Variants in XRCC5 observed in about 807,000 individuals in gnomAD.
The protein encoded by XRCC5 is X-ray repair cross complementing 5, also known as DNA repair protein Ku80.
In XRCC5, 12 loss-of-function variants were observed where a neutral mutation model predicts 95.7. That is an observed-to-expected ratio of 0.13 (90% CI 0.08 to 0.20). The LOEUF is 0.20. Among genes scored for constraint, XRCC5 ranks in the 10% least tolerant of loss-of-function variants. The pLI, the probability that XRCC5 is intolerant of heterozygous loss-of-function variation, is 1.00. For synonymous variants in XRCC5, 281 were observed against 290.3 expected (o/e 0.97, Z 0.33); for missense variants, 595 against 873.9 (o/e 0.68, Z 4.02).
At chr2:216,133,632 G>T (rs1294019221) in intron 10 of XRCC5, among the ~76,000 whole-genome samples, 1 of 152,230 alleles carries the variant, frequency 6.6e-6, no homozygotes, top group African/African-American at 2.4e-5. Flanking sequence ...GGGCAGCCTT[G>T]TGGATTGTGT....
At chr2:216,165,442 A>T (rs749056976) in intron 16 of XRCC5, among the ~76,000 whole-genome samples, 1 of 152,160 alleles carries the variant, frequency 6.6e-6, no homozygotes, top group Non-Finnish European at 1.5e-5. Flanking sequence ...CTTATTAGCA[A>T]CTAGTTCTCG....
rs578094598 is a variant in XRCC5 at position 216,112,060 on chromosome 2, T to C, written c.22-956T>C. Among the ~76,000 whole-genome samples, 5 of 152,396 alleles carry C rather than the reference T, an allele frequency of 3.3e-5. No homozygotes were observed. In the South Asian group the frequency reaches 1.0e-3, roughly 32 times the overall value. Reference sequence around the variant, plus strand: ...CATTTCACGTTGTTGATTGATTTTATAATTCACACTGAAATTGTGAGTTGC... The same window carrying C: ...CATTTCACGTTGTTGATTGATTTTACAATTCACACTGAAATTGTGAGTTGC... On this transcript the variant is annotated intron_variant, in intron 1 of 20. Coordinates refer to ENST00000392132, the MANE Select transcript of XRCC5 (RefSeq NM_021141.4).
chr2:216,141,453 A>ATGTTATTCTTCC (rs2106014951), intron 13 of XRCC5, 134 bp downstream of exon 13: 18 of 748,420 alleles, frequency 2.4e-5, no homozygotes, highest in Non-Finnish European at 3.2e-5. Context: ...TTAATGGAAG[A>ATGTTATTCTTCC]ATAACATCTT....
chr2:216,140,728 C>T (rs905166430), intron 12 of XRCC5, among the ~76,000 whole-genome samples: 1 of 152,188 alleles, frequency 6.6e-6, no homozygotes, highest in Non-Finnish European at 1.5e-5. Context: ...AGGTGCTGTA[C>T]TCTGATAAAA....
At chr2:216,179,729 C>T (rs1195490567) in intron 16 of XRCC5, among the ~76,000 whole-genome samples, 1 of 152,130 alleles carries the variant, frequency 6.6e-6, no homozygotes, top group South Asian at 2.1e-4. Flanking sequence ...GCTGAGAAGT[C>T]AGAGAGCTGG....
chr2:216,202,790 A>G (rs41296805), intron 19 of XRCC5, among the ~76,000 whole-genome samples: 51 of 152,362 alleles, frequency 3.3e-4, no homozygotes, highest in African/African-American at 1.1e-3. Flanking sequence ...TTGAGTCAAC[A>G]AACAATTATG....
chr2:216,186,456 AGTATT>A (rs1261694370), intron 16 of XRCC5, among the ~76,000 whole-genome samples: 2 of 152,348 alleles, frequency 1.3e-5, no homozygotes, highest in Admixed American at 6.5e-5. Flanking sequence ...ATGATACTGA[AGTATT>A]GTATTGAGAT....
At chr2:216,135,840 A>G (rs1320686348) in intron 10 of XRCC5, among the ~76,000 whole-genome samples, 1 of 151,374 alleles carries the variant, frequency 6.6e-6, no homozygotes, top group Non-Finnish European at 1.5e-5. Context: ...CGGTGGCATT[A>G]TCAAAGACCG....
chr2:216,114,882 C>T (rs770584342), intron 2 of XRCC5, among the ~76,000 whole-genome samples: 1 of 152,210 alleles, frequency 6.6e-6, no homozygotes, highest in Non-Finnish European at 1.5e-5. Flanking sequence ...AGTAACCACA[C>T]TACGCATGCG....
intron 4 of XRCC5, 64 bp downstream of exon 4, chr2:216,117,858 A>G (rs965235253): frequency 2.7e-6 from 4 of 1,478,482 alleles, no homozygotes; most frequent in Admixed American, 1.7e-5. Context: ...GGGTTAATGT[A>G]TTGAATGTAT....
intron 2 of XRCC5, among the ~76,000 whole-genome samples, chr2:216,114,440 G>A (rs547772052): frequency 6.6e-6 from 1 of 152,180 alleles, no homozygotes; most frequent in Admixed American, 6.5e-5. Context: ...TAGTTGTGTT[G>A]GTGGAATTCA....
intron 16 of XRCC5, among the ~76,000 whole-genome samples, chr2:216,181,060 G>T (rs536230177): frequency 6.6e-6 from 1 of 152,010 alleles, no homozygotes; most frequent in Admixed American, 6.5e-5. Flanking sequence ...TCATCCACCC[G>T]CCTCGGCCTC....
intron 3 of XRCC5, 72 bp from the exon 4 acceptor site, chr2:216,117,674 A>C: frequency 6.7e-7 from 1 of 1,498,064 alleles, no homozygotes; most frequent in Non-Finnish European, 9.3e-7. Context: ...AGCACGGTGG[A>C]CTTCATTGGA....
At chr2:216,145,692 C>T (rs1405803311) in intron 13 of XRCC5, among the ~76,000 whole-genome samples, 1 of 152,138 alleles carries the variant, frequency 6.6e-6, no homozygotes, top group African/African-American at 2.4e-5. Flanking sequence ...GTTGGTACCT[C>T]AGAACATCTC....
chr2:216,203,472 C>T (rs528148386), intron 19 of XRCC5, among the ~76,000 whole-genome samples: 57 of 152,154 alleles, frequency 3.7e-4, no homozygotes, highest in Non-Finnish European at 7.1e-4. Flanking sequence ...GGAAAAGGCT[C>T]CCCACTGCTA....
intron 2 of XRCC5, 74 bp from the exon 3 acceptor site, chr2:216,116,585 C>T (rs1437122738): frequency 1.9e-6 from 3 of 1,572,220 alleles, no homozygotes; most frequent in Admixed American, 1.8e-5. Context: ...TTGTCCTGCT[C>T]CCTGAAGGTT....
Position 216,148,252 on chromosome 2 carries a change from C to G in XRCC5, c.1646C>G (p.Thr549Ser), listed in dbSNP as rs1688676493. 1 of 1,610,774 alleles carries G rather than the reference C, an allele frequency of 6.2e-7. No individual in the cohort carries two copies. Among genetic ancestry groups the G allele is most frequent in the South Asian group, 1.1e-5 (1 of 90,482 alleles). Residue 549 changes from threonine to serine, a missense_variant, in exon 14 of 21, where the codon ACT becomes AGT. Around this residue, in one of 2 missense-constraint regions of XRCC5, gnomAD observed 309 missense variants for 382.9 expected, o/e 0.81. Transcript: ENST00000392132. ...LIEAKKKDQV[T>S]AQEIFQDNHE... Reference sequence around the variant, plus strand: ...GAAGCCAAGAAAAAGGATCAAGTGACTGCTCAGGAAATTTTCCAAGACAAG... The same window carrying G: ...GAAGCCAAGAAAAAGGATCAAGTGAGTGCTCAGGAAATTTTCCAAGACAAG...
At chr2:216,188,634 G>A (rs542705126) in intron 16 of XRCC5, among the ~76,000 whole-genome samples, 1 of 152,216 alleles carries the variant, frequency 6.6e-6, no homozygotes, top group South Asian at 2.1e-4. Flanking sequence ...AGATGATCTG[G>A]GAAAGTACAC....
intron 12 of XRCC5, among the ~76,000 whole-genome samples, chr2:216,138,919 C>G (rs957565987): frequency 6.6e-6 from 1 of 152,140 alleles, no homozygotes; most frequent in Non-Finnish European, 1.5e-5. Flanking sequence ...TCTCGGAACT[C>G]AATTCTTTCT....
Sources: gnomAD v4.1 joint callset for allele counts (sites outside exome capture counted in the v4.1 genomes callset) on GRCh38, gnomAD v4.1.1 for gene constraint, gnomAD v4.1.1 regional missense constraint, MANE v1.5 for transcripts, NCBI Gene and HGNC (gene_info 2026-07-23, HGNC 2026-07-21) for gene names.